The following SGCZ variants were observed in gnomAD, a reference collection of about 807,000 sequenced individuals.
The protein encoded by SGCZ is sarcoglycan zeta.
A neutral mutation model predicts 41.3 loss-of-function variants in SGCZ; 40 were observed. That is an observed-to-expected ratio of 0.97 (90% CI 0.75 to 1.26). The LOEUF (loss-of-function observed/expected upper bound fraction) is 1.26, where lower values mean the gene tolerates loss of function less well. Among genes scored for constraint, SGCZ ranks in the 50% most tolerant of loss-of-function variants. SGCZ has a pLI of 0.00. For missense variants in SGCZ, 552 were observed against 369.8 expected (o/e 1.49, Z -4.04); for synonymous variants, 206 against 137.5 (o/e 1.50, Z -3.49).
At chr8:14,710,675 CAT>C (rs1809487762) in intron 1 of SGCZ, among the ~76,000 whole-genome samples, 1 of 151,954 alleles carries the variant, frequency 6.6e-6, no homozygotes, top group African/African-American at 2.4e-5. Flanking sequence ...TTTCAGGACA[CAT>C]AATTTGTATC....
At chr8:14,719,625 T>C (rs77283420) in intron 1 of SGCZ, among the ~76,000 whole-genome samples, 124,476 of 151,970 alleles carry the variant, frequency 0.82, 51,514 homozygotes, top group African/African-American at 0.94. Context: ...CATTTTTTCA[T>C]GTGTTTTTTG....
intron 2 of SGCZ, among the ~76,000 whole-genome samples, chr8:14,432,738 A>C (rs935151880): frequency 6.6e-6 from 1 of 151,910 alleles, no homozygotes; most frequent in Non-Finnish European, 1.5e-5. Context: ...ACGTGGTGAA[A>C]CTCTATTTCT....
rs376115944 is a variant in SGCZ, at chr8:14,932,934, T to C, written c.39+304651A>G. On this transcript the variant is annotated intron_variant, in intron 1 of 7. Coordinates refer to ENST00000382080, the MANE Select transcript of SGCZ (RefSeq NM_139167.4). ...CATTTCAAGAGGCCGTTATCTTAAG[T>C]TAATTAACACAGGAAGGGAAAACCA... Among the ~76,000 whole-genome samples, 79 of 152,050 alleles carry C rather than the reference T, an allele frequency of 5.2e-4. 2 individuals are homozygous for C. The highest frequency in any genetic ancestry group is 1.8e-3 in the African/African-American group (76 of 41,378).
chr8:14,154,720 A>G (rs1301957607), intron 5 of SGCZ, among the ~76,000 whole-genome samples: 1 of 152,166 alleles, frequency 6.6e-6, no homozygotes, highest in Admixed American at 6.5e-5. Flanking sequence ...CTGTTTCAGA[A>G]AATTTGGTAC....
At chr8:14,593,762 A>G (rs1167743747) in intron 1 of SGCZ, among the ~76,000 whole-genome samples, 3 of 152,230 alleles carry the variant, frequency 2.0e-5, no homozygotes, top group Non-Finnish European at 4.4e-5. Flanking sequence ...ATTGAATTTT[A>G]TCCCTAGACT....
intron 2 of SGCZ, among the ~76,000 whole-genome samples, chr8:14,475,611 A>G (rs983547183): frequency 3.3e-5 from 5 of 152,164 alleles, no homozygotes; most frequent in African/African-American, 9.7e-5. Context: ...TTACAAGACA[A>G]CTTTGTGCTA....
At chr8:14,508,678 A>C (rs943420705) in intron 2 of SGCZ, among the ~76,000 whole-genome samples, 3 of 152,180 alleles carry the variant, frequency 2.0e-5, no homozygotes, top group African/African-American at 7.2e-5. Flanking sequence ...TATGAAATAA[A>C]GTATCTGTCT....
At chr8:14,827,011 T>A (rs1485398866) in intron 1 of SGCZ, among the ~76,000 whole-genome samples, 1 of 152,140 alleles carries the variant, frequency 6.6e-6, no homozygotes, top group African/African-American at 2.4e-5. Context: ...TCCTTGCCCA[T>A]GCCTATGTCC....
At chr8:14,514,005 T>C (rs752108078) in intron 2 of SGCZ, among the ~76,000 whole-genome samples, 20 of 152,080 alleles carry the variant, frequency 1.3e-4, no homozygotes, top group Admixed American at 6.6e-5. Flanking sequence ...ATTTCAGGGG[T>C]TTACAGCTTA....
At chr8:14,286,081 G>C (rs1365650) in intron 3 of SGCZ, among the ~76,000 whole-genome samples, 1 of 151,004 alleles carries the variant, frequency 6.6e-6, no homozygotes, top group Non-Finnish European at 1.5e-5. Flanking sequence ...AATGTATTTT[G>C]TTTTTTTTCT....
At chr8:14,523,344 G>T (rs995481215) in intron 2 of SGCZ, among the ~76,000 whole-genome samples, 2 of 151,870 alleles carry the variant, frequency 1.3e-5, no homozygotes, top group African/African-American at 2.4e-5. Context: ...CTTTAGGATA[G>T]ATTTATTAGA....
intron 4 of SGCZ, among the ~76,000 whole-genome samples, chr8:14,230,771 G>C (rs928751352): frequency 2.3e-4 from 35 of 150,570 alleles, no homozygotes; most frequent in African/African-American, 7.8e-4. Flanking sequence ...GGTGGTGGGG[G>C]GGTGGTTACT....
intron 1 of SGCZ, among the ~76,000 whole-genome samples, chr8:14,599,808 C>G (rs1805529661): frequency 6.6e-6 from 1 of 152,168 alleles, no homozygotes; most frequent in African/African-American, 2.4e-5. Flanking sequence ...AGAGAATCTC[C>G]TAGCATTTTA....
intron 1 of SGCZ, among the ~76,000 whole-genome samples, chr8:15,173,266 A>C (rs1799902356): frequency 6.6e-6 from 1 of 152,232 alleles, no homozygotes; most frequent in Non-Finnish European, 1.5e-5. Context: ...TAATTTTAAA[A>C]ATATTCACAT....
chr8:14,819,860 C>T (rs909173968), intron 1 of SGCZ, among the ~76,000 whole-genome samples: 5 of 151,902 alleles, frequency 3.3e-5, no homozygotes, highest in South Asian at 2.1e-4. Flanking sequence ...GAAATTAAAG[C>T]AGATACACAA....
intron 2 of SGCZ, among the ~76,000 whole-genome samples, chr8:14,521,474 T>TA (rs1563383210): frequency 2.6e-5 from 4 of 151,956 alleles, no homozygotes; most frequent in Admixed American, 1.3e-4. Flanking sequence ...AAATAAAAGT[T>TA]AAAAAAATAG....
chr8:14,714,680 C>T (rs899987941), intron 1 of SGCZ, among the ~76,000 whole-genome samples: 1 of 151,488 alleles, frequency 6.6e-6, no homozygotes, highest in African/African-American at 2.4e-5. Flanking sequence ...GAAAACTGAT[C>T]AAAAGATAAA....
intron 4 of SGCZ, among the ~76,000 whole-genome samples, chr8:14,210,677 A>G (rs7012997): frequency 0.76 from 114,859 of 151,574 alleles, 44,560 homozygotes; most frequent in African/African-American, 0.92. Flanking sequence ...ATGTTGGCCA[A>G]GCTGTTCTTG....
chr8:14,976,001 C>CACATATATATATATATACATAT (rs1554531597), intron 1 of SGCZ, among the ~76,000 whole-genome samples: 2 of 140,172 alleles, frequency 1.4e-5, no homozygotes, highest in African/African-American at 5.3e-5. Context: ...TATATATATA[C>CACATATATATATATATACATAT]ATATATATAT....
Sources: allele counts gnomAD v4.1 joint callset (sites outside exome capture counted in the v4.1 genomes callset), GRCh38; gene constraint gnomAD v4.1.1; transcripts MANE v1.5; gene names NCBI Gene and HGNC (gene_info 2026-07-23, HGNC 2026-07-21).